Variants in ST3GAL1 observed in about 807,000 individuals in gnomAD.
ST3GAL1 encodes CMP-N-acetylneuraminate-beta-galactosamide-alpha-2,3-sialyltransferase 1.
In ST3GAL1, 16 loss-of-function variants were observed where a neutral mutation model predicts 34.1. The observed-to-expected ratio is 0.47, with a 90% CI of 0.32 to 0.71. The LOEUF is 0.71. Among genes scored for constraint, ST3GAL1 ranks in the 30% least tolerant of loss-of-function variants. The pLI is 0.04. For synonymous variants in ST3GAL1, 191 were observed against 184.7 expected, an observed-to-expected ratio of 1.03 and a Z score of -0.28; for missense variants, 353 against 447.4, an observed-to-expected ratio of 0.79 and a Z score of 1.90.
intron 1 of ST3GAL1, among the ~76,000 whole-genome samples, chr8:133,551,001 C>A (rs1313519342): frequency 6.6e-6 from 1 of 152,210 alleles, no homozygotes; most frequent in Non-Finnish European, 1.5e-5. Flanking sequence ...CTTTTCCTCT[C>A]CATGCAAACA....
intron 1 of ST3GAL1, among the ~76,000 whole-genome samples, chr8:133,566,532 C>T (rs1390374501): frequency 6.6e-6 from 1 of 152,134 alleles, no homozygotes; most frequent in East Asian, 1.9e-4. Flanking sequence ...CTGCATCCCC[C>T]GCATTGCAGG....
chr8:133,520,922 C>A (rs149549893), intron 2 of ST3GAL1, among the ~76,000 whole-genome samples: 1 of 150,194 alleles, frequency 6.7e-6, no homozygotes, highest in Admixed American at 6.6e-5. Context: ...CAGGTGTGCA[C>A]CACCACACCC....
intron 2 of ST3GAL1, among the ~76,000 whole-genome samples, chr8:133,515,197 T>C (rs1208590694): frequency 6.6e-6 from 1 of 152,214 alleles, no homozygotes; most frequent in Non-Finnish European, 1.5e-5. Flanking sequence ...CTCGCTCCCA[T>C]GCCACGCCAG....
intron 1 of ST3GAL1, among the ~76,000 whole-genome samples, chr8:133,565,581 C>T (rs958524273): frequency 6.6e-6 from 1 of 152,214 alleles, no homozygotes; most frequent in Non-Finnish European, 1.5e-5. Context: ...CCATTCAATG[C>T]TTCCTGCTGA....
intron 3 of ST3GAL1, among the ~76,000 whole-genome samples, chr8:133,481,151 T>C (rs1358131097): frequency 6.6e-6 from 1 of 152,232 alleles, no homozygotes; most frequent in East Asian, 1.9e-4. Context: ...GCCTGGTTGC[T>C]GTTTGTATTG....
Position 133,571,603 on chromosome 8 carries a change from A to C in ST3GAL1, c.-582+90T>G, listed in dbSNP as rs1199398762. 6.6e-6 allele frequency: 1 copy of C among 152,516 alleles called. No individual in the cohort carries two copies. Among genetic ancestry groups the C allele is most frequent in the Non-Finnish European group, 1.5e-5 (1 of 68,490 alleles). 9.4% of individuals were successfully genotyped at this position (152,516 alleles called of 1,614,324 possible). On this transcript the variant is annotated intron_variant, in intron 1 of 9. Coordinates refer to ENST00000522652, the MANE Select transcript of ST3GAL1 (RefSeq NM_173344.3). This position sits in a 1 kb window ranked among gnomAD's most constrained non-coding sequence, Gnocchi z 6.7. The stretch of plus-strand genomic sequence containing the variant: ...TCCAGACAATCAACCTTCCACTCCG[A>C]GAATCCACAGGAAACTGCCCGAGCC...
chr8:133,541,879 T>C (rs1231420909), intron 2 of ST3GAL1, among the ~76,000 whole-genome samples: 3 of 152,168 alleles, frequency 2.0e-5, no homozygotes, highest in Non-Finnish European at 4.4e-5. Context: ...GTTTAATAAA[T>C]GCAGTTGGTG....
Position 133,547,787 on chromosome 8 carries a change from C to T in ST3GAL1, c.-581-1861G>A, listed in dbSNP as rs1206632342. ...CAACCACTGAGGTTTCTTTATACCG[C>T]TGGCAATGGTGATACATGAGGATAA... is the stretch of plus-strand genomic sequence containing the variant. On this transcript the variant is annotated intron_variant, in intron 1 of 9. Coordinates refer to ENST00000522652, the MANE Select transcript of ST3GAL1 (RefSeq NM_173344.3). 2.6e-5 allele frequency among the ~76,000 whole-genome samples: 4 copies of T among 152,198 alleles called. No individual in the cohort carries two copies. In the East Asian group the frequency reaches 7.7e-4, roughly 29 times the overall value.
chr8:133,550,847 T>G (rs1818817563), intron 1 of ST3GAL1, among the ~76,000 whole-genome samples: 1 of 152,182 alleles, frequency 6.6e-6, no homozygotes, highest in African/African-American at 2.4e-5. Context: ...TGAGGCTCCT[T>G]TCTACTGTAC....
At chr8:133,513,994 G>A (rs1464381736) in intron 2 of ST3GAL1, among the ~76,000 whole-genome samples, 5 of 152,070 alleles carry the variant, frequency 3.3e-5, no homozygotes, top group South Asian at 4.1e-4. Context: ...ACCAGGAAGC[G>A]TATTTTCAGC....
intron 1 of ST3GAL1, among the ~76,000 whole-genome samples, chr8:133,569,138 C>G (rs1011731893): frequency 1.3e-5 from 2 of 152,168 alleles, no homozygotes; most frequent in African/African-American, 4.8e-5. Flanking sequence ...CTGTGGCCTC[C>G]CAGCCAGGGA....
chr8:133,502,874 G>A (rs1203993221), intron 2 of ST3GAL1, among the ~76,000 whole-genome samples: 1 of 152,168 alleles, frequency 6.6e-6, no homozygotes, highest in Non-Finnish European at 1.5e-5. Flanking sequence ...ACTGTGGGAG[G>A]ACAGACAGTA....
At chr8:133,507,936 G>C (rs1398824343) in intron 2 of ST3GAL1, among the ~76,000 whole-genome samples, 1 of 152,154 alleles carries the variant, frequency 6.6e-6, no homozygotes, top group Non-Finnish European at 1.5e-5. Flanking sequence ...GCTGCTGACA[G>C]CTCACAGCTG....
rs1815596319 is a variant in ST3GAL1 at position 133,463,554 on chromosome 8, C to T, written c.684-95G>A. On this transcript the variant is annotated intron_variant, in intron 7 of 9. Coordinates refer to ENST00000522652, the MANE Select transcript of ST3GAL1 (RefSeq NM_173344.3). ...TGGGGGTAGTGGCTAGATAATGAAG[C>T]AGGCATAGCCTCTCCTGCCCCCCAT... 3 of 1,347,754 alleles carry T rather than the reference C, an allele frequency of 2.2e-6. No homozygotes were observed. In the South Asian group the frequency reaches 3.6e-5, roughly 16 times the overall value. 83.5% of individuals were successfully genotyped at this position (1,347,754 alleles called of 1,614,324 possible).
At chr8:133,562,443 C>G (rs143374530) in intron 1 of ST3GAL1, among the ~76,000 whole-genome samples, 4 of 152,112 alleles carry the variant, frequency 2.6e-5, no homozygotes, top group Non-Finnish European at 5.9e-5. Context: ...CTCTTGATCT[C>G]GTGATCTGGC....
chr8:133,541,120 T>TATATATAGAGAGAGAG (rs71299078), intron 2 of ST3GAL1, among the ~76,000 whole-genome samples: 5 of 48,640 alleles, frequency 1.0e-4, no homozygotes, highest in African/African-American at 3.9e-4. Flanking sequence ...TATATATATA[T>TATATATAGAGAGAGAG]AGAGAGAGAG....
In ST3GAL1 at chr8:133,466,134, C is replaced by T; in HGVS notation, c.307-44G>A. 1 of 1,570,096 alleles carries T rather than the reference C, an allele frequency of 6.4e-7. No individual in the cohort carries two copies. Reference sequence around the variant, plus strand: ...AGGTGGTCAACCTGGCTTTGTGGCTCCAGCCTCCTGGCAGCAGAGCCCCTG... The same window carrying T: ...AGGTGGTCAACCTGGCTTTGTGGCTTCAGCCTCCTGGCAGCAGAGCCCCTG... On this transcript the variant is annotated intron_variant, in intron 5 of 9. Coordinates refer to ENST00000522652, the MANE Select transcript of ST3GAL1 (RefSeq NM_173344.3). This position sits in a 1 kb window ranked among gnomAD's most constrained non-coding sequence, Gnocchi z 4.4.
At chr8:133,503,660 C>A (rs140093290) in intron 2 of ST3GAL1, among the ~76,000 whole-genome samples, 9 of 152,126 alleles carry the variant, frequency 5.9e-5, no homozygotes, top group African/African-American at 1.2e-4. Context: ...ATGGCAAGTA[C>A]GTCGCAGCTC....
chr8:133,468,994 C>G (rs908520309), intron 5 of ST3GAL1, among the ~76,000 whole-genome samples: 12 of 152,136 alleles, frequency 7.9e-5, no homozygotes, highest in Admixed American at 6.5e-4. Flanking sequence ...CACGCCGCTA[C>G]TTTGATTTGG....
Sources: gnomAD v4.1 joint callset for allele counts (sites outside exome capture counted in the v4.1 genomes callset) on GRCh38, gnomAD v4.1.1 for gene constraint, Gnocchi (gnomAD v3.1) non-coding constraint, MANE v1.5 for transcripts, NCBI Gene and HGNC (gene_info 2026-07-23, HGNC 2026-07-21) for gene names.